ASTN2: variants seen among roughly 807,000 people sequenced by gnomAD.
ASTN2 encodes the protein astrotactin-2.
Under a neutral mutation model 139.8 loss-of-function variants are expected in ASTN2, and 54 were observed. The ratio of observed to expected loss-of-function variants is 0.39; its 90% CI spans 0.31 to 0.48. The LOEUF (loss-of-function observed/expected upper bound fraction) is 0.48. Ranked by LOEUF, ASTN2 falls within the 20% of genes least tolerant of loss-of-function variation. The pLI, the probability that ASTN2 is intolerant of heterozygous loss-of-function variation, is 0.95. For missense variants in ASTN2, 1,565 were observed against 1,725.1 expected, an observed-to-expected ratio of 0.91 and a Z score of 1.64; for synonymous variants, 756 against 719.5, an observed-to-expected ratio of 1.05 and a Z score of -0.81.
chr9:116,938,988 T>A (rs1251191962), intron 10 of ASTN2, among the ~76,000 whole-genome samples: 3 of 152,210 alleles, frequency 2.0e-5, no homozygotes, highest in Non-Finnish European at 4.4e-5. Context: ...GGACACTTCC[T>A]ATTAGGGTAC....
In ASTN2 at chr9:117,012,899, C is replaced by A. The variant is rs138608373; in HGVS notation, c.1424-4640G>T. On this transcript the variant is annotated intron_variant, in intron 6 of 22. Transcript: ENST00000313400. ...CATTCACTCAGATATGGCTATGCGC[C>A]AAGCCCTGCAGCAGGCTCTGGTTGA... is the stretch of plus-strand genomic sequence containing the variant. 5.3e-3 allele frequency among the ~76,000 whole-genome samples: 805 copies of A among 152,316 alleles called. 13 individuals carry two copies. Among genetic ancestry groups the A allele is most frequent in the African/African-American group, 0.018 (738 of 41,578 alleles).
chr9:116,462,788 ATGTG>A (rs55926547), intron 20 of ASTN2, among the ~76,000 whole-genome samples: 1,480 of 146,172 alleles, frequency 0.01, 11 homozygotes, highest in Middle Eastern at 0.038. Flanking sequence ...TTGGGTGAGC[ATGTG>A]TGTGTGTGTG....
chr9:117,180,907 T>C, intron 3 of ASTN2: 1 of 1,592,284 alleles, frequency 6.3e-7, no homozygotes, highest in Admixed American at 1.7e-5. Context: ...CTCAATTACA[T>C]GCTCCTTGTT....
At chr9:116,911,618 A>G (rs1564337179) in intron 10 of ASTN2, among the ~76,000 whole-genome samples, 1 of 152,174 alleles carries the variant, frequency 6.6e-6, no homozygotes, top group Non-Finnish European at 1.5e-5. Flanking sequence ...AAAAGAAAAT[A>G]GGTGGTTTAT....
intron 5 of ASTN2, among the ~76,000 whole-genome samples, chr9:117,059,879 T>C (rs1839186919): frequency 6.6e-6 from 1 of 152,180 alleles, no homozygotes; most frequent in African/African-American, 2.4e-5. Context: ...AAGACCGCAA[T>C]TCCTAAGTGA....
At position 117,056,093 on chromosome 9, in the gene ASTN2, C is replaced by T. The variant is rs146283816; in HGVS notation, c.1277-16128G>A. Reference sequence around the variant, plus strand: ...CCATGTAAGTAAGCTGGGAACAGATCCCTCCCCAGTTGAAGCTTGAGGTGA... The same window carrying T: ...CCATGTAAGTAAGCTGGGAACAGATTCCTCCCCAGTTGAAGCTTGAGGTGA... On this transcript the variant is annotated intron_variant, in intron 5 of 22. Coordinates refer to ENST00000313400, the MANE Select transcript of ASTN2 (RefSeq NM_001365068.1). 3.8e-3 allele frequency among the ~76,000 whole-genome samples: 583 copies of T among 152,286 alleles called. 1 individual carries two copies. The highest frequency in any genetic ancestry group is 5.6e-3 in the Non-Finnish European group (379 of 68,014).
chr9:116,893,919 G>A (rs775558274), intron 10 of ASTN2, among the ~76,000 whole-genome samples: 8 of 152,110 alleles, frequency 5.3e-5, no homozygotes, highest in South Asian at 2.1e-4. Flanking sequence ...CCAGGCCCAC[G>A]CTTGGTCAGA....
intron 4 of ASTN2, among the ~76,000 whole-genome samples, chr9:117,102,095 T>C (rs1185156925): frequency 6.6e-6 from 1 of 152,210 alleles, no homozygotes; most frequent in Non-Finnish European, 1.5e-5. Context: ...TGAATGTTCA[T>C]AGCAGCACTA....
chr9:116,770,602 T>C (rs1829931691), intron 13 of ASTN2, among the ~76,000 whole-genome samples: 1 of 152,192 alleles, frequency 6.6e-6, no homozygotes, highest in South Asian at 2.1e-4. Context: ...ACATCAGCTG[T>C]CATTTCCTTT....
chr9:116,978,724 T>C (rs1331548610), intron 7 of ASTN2, among the ~76,000 whole-genome samples: 2 of 152,100 alleles, frequency 1.3e-5, no homozygotes, highest in Non-Finnish European at 2.9e-5. Context: ...AGATATCACA[T>C]GCCAGAATTT....
intron 12 of ASTN2, among the ~76,000 whole-genome samples, chr9:116,814,338 C>T (rs892744846): frequency 4.6e-5 from 7 of 152,040 alleles, no homozygotes; most frequent in African/African-American, 9.7e-5. Context: ...ATTAACCAAA[C>T]GAAGATCAGA....
chr9:116,859,959 C>A (rs544156048), intron 11 of ASTN2, among the ~76,000 whole-genome samples: 2 of 152,186 alleles, frequency 1.3e-5, no homozygotes, highest in Non-Finnish European at 2.9e-5. Context: ...AACTAGCTGA[C>A]GCACAGAGCC....
At chr9:116,437,757 C>T (rs1847705549) in intron 22 of ASTN2, among the ~76,000 whole-genome samples, 2 of 152,182 alleles carry the variant, frequency 1.3e-5, no homozygotes, top group Non-Finnish European at 2.9e-5. Context: ...TCACTTCTGC[C>T]CGCCAGTCTG....
chr9:116,837,885 A>G (rs1032333319), intron 11 of ASTN2, among the ~76,000 whole-genome samples: 1 of 152,130 alleles, frequency 6.6e-6, no homozygotes, highest in African/African-American at 2.4e-5. Context: ...CAGGTGGGGT[A>G]AAGGAACAGC....
intron 13 of ASTN2, among the ~76,000 whole-genome samples, chr9:116,791,612 GTGCTAATTACAATTGCTC>G (rs1269766566): frequency 6.6e-6 from 1 of 152,198 alleles, no homozygotes; most frequent in Admixed American, 6.5e-5. Flanking sequence ...AACAATCACT[GTGCTAATTACAATTGCTC>G]TGCTAATTAC....
At chr9:117,240,475 C>T (rs924245686) in intron 2 of ASTN2, among the ~76,000 whole-genome samples, 7 of 152,052 alleles carry the variant, frequency 4.6e-5, no homozygotes, top group African/African-American at 1.7e-4. Flanking sequence ...ACTTGGCATG[C>T]CAAACATAAG....
rs147433170 is a variant in ASTN2 at position 116,651,645 on chromosome 9, A to T, written c.2955T>A (p.Ser985=). 2.2e-5 allele frequency: 35 copies of T among 1,614,072 alleles called. No individual in the cohort carries two copies. The African/African-American group carries it at 2.5e-4, about 12-fold the overall frequency. ...CTGGCCGGCGGCAAAGGTGACAGGT[A>T]GATGGACAGCGCCCCTTCTCCTCAC... The part of the protein sequence containing the change: ...IRCEEKGRCP[S]TCHLCRRPGK... Residue 985 remains serine, a synonymous_variant, in exon 17 of 23, where the codon TCT becomes TCA. Transcript: ENST00000313400.
chr9:117,280,223 T>C (rs1834292873), intron 2 of ASTN2, among the ~76,000 whole-genome samples: 1 of 152,226 alleles, frequency 6.6e-6, no homozygotes, highest in African/African-American at 2.4e-5. Context: ...ACATTGTCCT[T>C]ATCAGTGCAT....
intron 1 of ASTN2, among the ~76,000 whole-genome samples, chr9:117,334,832 T>C (rs1828827989): frequency 6.6e-6 from 1 of 152,166 alleles, no homozygotes; most frequent in South Asian, 2.1e-4. Context: ...GGCAGGTGGA[T>C]CACCTGAAGT....
Sources: allele counts gnomAD v4.1 joint callset (sites outside exome capture counted in the v4.1 genomes callset), GRCh38; gene constraint gnomAD v4.1.1; transcripts MANE v1.5; gene names NCBI Gene and HGNC (gene_info 2026-07-23, HGNC 2026-07-21).